Variants in SORCS2 observed in about 807,000 individuals in gnomAD.
SORCS2 encodes the protein sortilin related VPS10 domain containing receptor 2.
In SORCS2, 100 loss-of-function variants were observed where a neutral mutation model predicts 141.6. That is an observed-to-expected ratio of 0.71 (90% CI 0.60 to 0.83). SORCS2 has a LOEUF of 0.83. SORCS2 is among the 40% of genes least tolerant of loss of function. The probability of loss-of-function intolerance (pLI) is 0.00; values close to 1 mark genes in which losing one functional copy is unlikely to be tolerated. For synonymous variants in SORCS2, 789 were observed against 676.9 expected (o/e 1.17, Z -2.57); for missense variants, 1,646 against 1,560.2 (o/e 1.05, Z -0.93).
At chr4:7,196,345 T>C (rs1391422777) in intron 1 of SORCS2, among the ~76,000 whole-genome samples, 1 of 152,192 alleles carries the variant, frequency 6.6e-6, no homozygotes, top group Non-Finnish European at 1.5e-5. Context: ...TTACAGAGTG[T>C]GGCTCTCAGC....
intron 1 of SORCS2, among the ~76,000 whole-genome samples, chr4:7,347,301 G>A (rs149778809): frequency 4.7e-4 from 71 of 152,288 alleles, no homozygotes; most frequent in African/African-American, 1.6e-3. Flanking sequence ...TTGTCCACCT[G>A]TTTCTCTGCA....
chr4:7,572,577 T>C (rs1209166398), intron 3 of SORCS2, among the ~76,000 whole-genome samples: 1 of 152,242 alleles, frequency 6.6e-6, no homozygotes. Context: ...CAATACTTGA[T>C]GCTCGTGGCC....
At chr4:7,337,891 T>C (rs1233199572) in intron 1 of SORCS2, among the ~76,000 whole-genome samples, 1 of 152,076 alleles carries the variant, frequency 6.6e-6, no homozygotes, top group Non-Finnish European at 1.5e-5. Context: ...TCCCACATGC[T>C]GCCCCCTTGC....
rs779999987 is a variant in SORCS2, at chr4:7,734,381, C to G, written c.3311+7C>G. On this transcript the variant is annotated splice_region_variant and intron_variant, in intron 25 of 26. Coordinates refer to ENST00000507866, the MANE Select transcript of SORCS2 (RefSeq NM_020777.3). Reference sequence around the variant, plus strand: ...TCCTCTACAAGTTCAAAAGGCAAGGCCCTTGGCTGCCCTCCTCTGCGGGGC... The same window carrying G: ...TCCTCTACAAGTTCAAAAGGCAAGGGCCTTGGCTGCCCTCCTCTGCGGGGC... 4 of 1,510,688 alleles carry G rather than the reference C, an allele frequency of 2.6e-6. No individual in the cohort carries two copies. The South Asian group carries it at 5.3e-5, about 20-fold the overall frequency. 93.6% of individuals were successfully genotyped at this position (1,510,688 alleles called of 1,614,324 possible). A position where few individuals can be genotyped will look rare whatever the true frequency, so the allele number is the denominator to read the frequency against.
At chr4:7,676,815 CTCTCTCTCT>C (rs566908903) in intron 9 of SORCS2, among the ~76,000 whole-genome samples, 1 of 110,832 alleles carries the variant, frequency 9.0e-6, no homozygotes, top group Non-Finnish European at 2.0e-5. Context: ...CTCTCTCTCT[CTCTCTCTCT>C]CTCTCCCTCT....
chr4:7,421,363 G>A (rs1483566947), intron 2 of SORCS2, among the ~76,000 whole-genome samples: 1 of 152,216 alleles, frequency 6.6e-6, no homozygotes, highest in African/African-American at 2.4e-5. Context: ...CTGAGTTCCA[G>A]TCCTGGCTCT....
chr4:7,456,303 G>GTGAA (rs199612269), intron 2 of SORCS2, among the ~76,000 whole-genome samples: 2,840 of 152,212 alleles, frequency 0.019, 36 homozygotes, highest in East Asian at 0.054. Context: ...TGTTTGTGAT[G>GTGAA]TGAATGAATG....
chr4:7,456,020 C>T (rs1279499717), intron 2 of SORCS2, among the ~76,000 whole-genome samples: 2 of 152,010 alleles, frequency 1.3e-5, no homozygotes, highest in African/African-American at 2.4e-5. Flanking sequence ...AAGGTGTAGG[C>T]AGGGTTGGTT....
intron 1 of SORCS2, among the ~76,000 whole-genome samples, chr4:7,245,640 C>A (rs780224384): frequency 1.3e-5 from 2 of 152,222 alleles, no homozygotes; most frequent in Non-Finnish European, 2.9e-5. Flanking sequence ...GCGAGAGTGT[C>A]AGCCATTGCT....
In SORCS2 at chr4:7,608,296, C is replaced by T. The variant is rs559348285; in HGVS notation, c.649-30032C>T. Among the ~76,000 whole-genome samples the T allele has an allele frequency of 3.2e-4, 49 of 152,292 alleles. 1 individual carries two copies. In the South Asian group the frequency reaches 5.4e-3, roughly 17 times the overall value. The stretch of plus-strand genomic sequence containing the variant: ...ATTGCCACTCCTCAGAGAAGGCTGC[C>T]GGATTGCACACCCCAGGATCTCCGG... On this transcript the variant is annotated intron_variant, in intron 3 of 26. Coordinates refer to ENST00000507866, the MANE Select transcript of SORCS2 (RefSeq NM_020777.3).
intron 4 of SORCS2, among the ~76,000 whole-genome samples, chr4:7,639,390 A>G (rs967572697): frequency 5.3e-5 from 8 of 151,724 alleles, no homozygotes; most frequent in African/African-American, 1.7e-4. Flanking sequence ...CCTCTGCCCC[A>G]TCTCCATGCT....
At chr4:7,714,069 G>T (rs17466517) in intron 15 of SORCS2, among the ~76,000 whole-genome samples, 171 bp from the exon 16 acceptor site, 2,370 of 152,298 alleles carry the variant, frequency 0.016, 29 homozygotes, top group South Asian at 0.027. Flanking sequence ...TGAGAGGGAG[G>T]CTTCCCCAAC....
chr4:7,533,049 C>G (rs551575628), intron 3 of SORCS2, among the ~76,000 whole-genome samples: 1 of 152,074 alleles, frequency 6.6e-6, no homozygotes, highest in Admixed American at 6.6e-5. Flanking sequence ...TTCACACACC[C>G]GATCTCTTTC....
At chr4:7,292,904 A>G (rs953725320) in intron 1 of SORCS2, among the ~76,000 whole-genome samples, 8 of 152,234 alleles carry the variant, frequency 5.3e-5, no homozygotes, top group Non-Finnish European at 1.2e-4. Flanking sequence ...ATTAGAAAAT[A>G]CAGAAAAGCA....
intron 1 of SORCS2, among the ~76,000 whole-genome samples, chr4:7,198,638 A>G (rs1386648383): frequency 1.3e-5 from 2 of 152,132 alleles, no homozygotes; most frequent in African/African-American, 4.8e-5. Context: ...TCCAGCGGCC[A>G]CCTGGAGAGA....
At position 7,489,022 on chromosome 4, in the gene SORCS2, C is replaced by T. The variant is rs185149934; in HGVS notation, c.549-42508C>T. 2.8e-3 allele frequency among the ~76,000 whole-genome samples: 420 copies of T among 152,328 alleles called. 2 individuals carry two copies. Among genetic ancestry groups the T allele is most frequent in the Middle Eastern group, 0.014 (4 of 294 alleles). The stretch of plus-strand genomic sequence containing the variant: ...CGTTTACTAATCATTTAAGGAGCAC[C>T]TCCTATATGGTCAGCAGCATGCTAA... On this transcript the variant is annotated intron_variant, in intron 2 of 26. Coordinates refer to ENST00000507866, the MANE Select transcript of SORCS2 (RefSeq NM_020777.3).
At chr4:7,527,596 C>G (rs1733776474) in intron 2 of SORCS2, among the ~76,000 whole-genome samples, 1 of 152,224 alleles carries the variant, frequency 6.6e-6, no homozygotes, top group Admixed American at 6.5e-5. Context: ...CTGCAGACTC[C>G]TGCCCTCCAG....
intron 1 of SORCS2, among the ~76,000 whole-genome samples, chr4:7,225,106 T>C (rs541692633): frequency 1.3e-5 from 2 of 152,358 alleles, no homozygotes; most frequent in African/African-American, 4.8e-5. Context: ...CTCCTCCATG[T>C]AGACTTTCTT....
At chr4:7,259,597 C>T (rs1047517355) in intron 1 of SORCS2, among the ~76,000 whole-genome samples, 2 of 152,190 alleles carry the variant, frequency 1.3e-5, no homozygotes, top group African/African-American at 4.8e-5. Flanking sequence ...TCCTCATGCC[C>T]TGTCCAGGCC....
Sources: gnomAD v4.1 joint callset for allele counts (sites outside exome capture counted in the v4.1 genomes callset) on GRCh38, gnomAD v4.1.1 for gene constraint, MANE v1.5 for transcripts, NCBI Gene and HGNC (gene_info 2026-07-23, HGNC 2026-07-21) for gene names.